Variants in PRELID2 observed in about 807,000 individuals in gnomAD.
The protein encoded by PRELID2 is PRELI domain-containing protein 2.
A neutral mutation model predicts 28.4 loss-of-function variants in PRELID2; 25 were observed. The ratio of observed to expected loss-of-function variants is 0.88; its 90% CI spans 0.64 to 1.23. The LOEUF (loss-of-function observed/expected upper bound fraction) is 1.23. Ranked by LOEUF, PRELID2 falls within the 50% of genes most tolerant of loss-of-function variation. The probability of loss-of-function intolerance (pLI) is 0.00; values close to 1 mark genes in which losing one functional copy is unlikely to be tolerated. For missense variants in PRELID2, 201 were observed against 214.4 expected (o/e 0.94, Z 0.39); for synonymous variants, 76 against 71.6 (o/e 1.06, Z -0.31).
In PRELID2 at chr5:145,550,420, T is replaced by C. The variant is rs1016946395; in HGVS notation, n.71-77105A>G. On this transcript the variant is annotated intron_variant and non_coding_transcript_variant, in intron 1 of 2. Coordinates refer to the PRELID2 transcript ENST00000510259. ...CAAGTTATTTTTAAGCACTTAAAAA[T>C]GTAAGATTAGCCAGGTGTGGTGGCA... Among the ~76,000 whole-genome samples the C allele has an allele frequency of 5.3e-5, 8 of 152,182 alleles. 1 individual carries two copies. The South Asian group carries it at 1.7e-3, about 32-fold the overall frequency.
At chr5:145,392,358 A>T in the PRELID2 span, among the ~76,000 whole-genome samples, 1 of 152,122 alleles carries the variant, frequency 6.6e-6, no homozygotes, top group Non-Finnish European at 1.5e-5. Flanking sequence ...TAAAACCATC[A>T]GCTCTTGGGG....
intron 1 of PRELID2, among the ~76,000 whole-genome samples, chr5:145,477,385 T>C (rs2400194): frequency 0.7 from 106,094 of 152,060 alleles, 37,638 homozygotes; most frequent in Non-Finnish European, 0.72. Context: ...TCCTATCCTA[T>C]GAATAATTTT....
At chr5:145,448,189 T>C in the PRELID2 span, among the ~76,000 whole-genome samples, 1 of 151,766 alleles carries the variant, frequency 6.6e-6, no homozygotes, top group Non-Finnish European at 1.5e-5. Context: ...TGGTATCTCA[T>C]TGTGGTTTTG....
At chr5:145,694,741 C>A (rs1178931125) in intron 1 of PRELID2, among the ~76,000 whole-genome samples, 1 of 150,628 alleles carries the variant, frequency 6.6e-6, no homozygotes, top group Admixed American at 6.6e-5. Flanking sequence ...GAATAGAATG[C>A]ACAAAAATCA....
the PRELID2 span, among the ~76,000 whole-genome samples, chr5:145,380,614 C>G: frequency 2.0e-5 from 3 of 152,218 alleles, no homozygotes; most frequent in African/African-American, 7.2e-5. Context: ...CATATTTTTT[C>G]TTTTTGTTAC....
intron 1 of PRELID2, among the ~76,000 whole-genome samples, chr5:145,731,856 G>A (rs1756357054): frequency 6.6e-6 from 1 of 152,170 alleles, no homozygotes; most frequent in Admixed American, 6.5e-5. Context: ...AGGGAGATAA[G>A]GAGATTAAAG....
the PRELID2 span, among the ~76,000 whole-genome samples, chr5:145,273,798 G>A: frequency 6.6e-6 from 1 of 152,076 alleles, no homozygotes; most frequent in South Asian, 2.1e-4. Flanking sequence ...GGAAATTCAG[G>A]GAAAGCTTCC....
the PRELID2 span, chr5:145,437,236 G>A: frequency 2.0e-5 from 3 of 152,182 alleles, no homozygotes; most frequent in African/African-American, 7.2e-5. Flanking sequence ...TCTCTGGTAA[G>A]TGATGGTTGT....
the PRELID2 span, among the ~76,000 whole-genome samples, chr5:145,367,940 G>A: frequency 6.6e-6 from 1 of 151,630 alleles, no homozygotes; most frequent in South Asian, 2.1e-4. Flanking sequence ...AACTTCTTTG[G>A]GTAAATAATA....
intron 4 of PRELID2, among the ~76,000 whole-genome samples, chr5:145,797,488 G>T (rs1752839825): frequency 6.6e-6 from 1 of 152,122 alleles, no homozygotes; most frequent in African/African-American, 2.4e-5. Context: ...TTTAAGAGGG[G>T]CATGACTCAG....
At chr5:145,709,827 A>G (rs1402666301) in intron 1 of PRELID2, among the ~76,000 whole-genome samples, 3 of 152,084 alleles carry the variant, frequency 2.0e-5, no homozygotes, top group African/African-American at 7.2e-5. Context: ...AGCTGTGGTC[A>G]CTCCCTTAGA....
rs374640557 is a variant in PRELID2 at position 145,730,098 on chromosome 5, T to G, written n.70+34833A>C. 3.5e-4 allele frequency among the ~76,000 whole-genome samples: 54 copies of G among 152,312 alleles called. 1 individual carries two copies. In the South Asian group the frequency reaches 0.011, roughly 30 times the overall value. On this transcript the variant is annotated intron_variant and non_coding_transcript_variant, in intron 1 of 2. Coordinates refer to the PRELID2 transcript ENST00000510259. ...CATTCCAGAGCCACAAGGGGATTTA[T>G]GCCCTGGGTTTAGATTATGGTGCGT... is the stretch of plus-strand genomic sequence containing the variant.
the PRELID2 span, among the ~76,000 whole-genome samples, chr5:145,323,055 C>CTACAG: frequency 6.6e-6 from 1 of 152,014 alleles, no homozygotes; most frequent in Admixed American, 6.6e-5. Flanking sequence ...AAGAAGCACA[C>CTACAG]TACAGGGTCC....
intron 1 of PRELID2, among the ~76,000 whole-genome samples, chr5:145,662,314 T>C (rs1202193008): frequency 1.3e-5 from 2 of 152,146 alleles, no homozygotes; most frequent in Admixed American, 6.5e-5. Flanking sequence ...AGAGAAAAAC[T>C]GTCTCCCAAA....
intron 1 of PRELID2, among the ~76,000 whole-genome samples, chr5:145,493,402 A>G (rs1346501964): frequency 6.6e-6 from 1 of 152,150 alleles, no homozygotes; most frequent in Admixed American, 6.5e-5. Flanking sequence ...CAGACCACCA[A>G]CTAAACGTGA....
At chr5:145,658,806 A>G (rs1342316662) in intron 1 of PRELID2, among the ~76,000 whole-genome samples, 1 of 152,212 alleles carries the variant, frequency 6.6e-6, no homozygotes, top group African/African-American at 2.4e-5. Context: ...TCACAATGCA[A>G]ACTAACACAA....
chr5:145,649,865 T>C (rs1190984348), intron 1 of PRELID2, among the ~76,000 whole-genome samples: 1 of 152,242 alleles, frequency 6.6e-6, no homozygotes, highest in East Asian at 1.9e-4. Flanking sequence ...TGGTTTTCAC[T>C]GTCTGTTTTT....
intron 5 of PRELID2, among the ~76,000 whole-genome samples, chr5:145,793,898 G>A (rs192308658): frequency 2.6e-5 from 4 of 152,048 alleles, no homozygotes; most frequent in African/African-American, 4.8e-5. Flanking sequence ...GTATATATCC[G>A]CCCCACAACC....
At chr5:145,772,559 G>C (rs1169917097) in intron 5 of PRELID2, among the ~76,000 whole-genome samples, 1 of 152,226 alleles carries the variant, frequency 6.6e-6, no homozygotes, top group African/African-American at 2.4e-5. Context: ...CACTTGGCAA[G>C]AGGGTATGTA....
Sources: allele counts gnomAD v4.1 joint callset (sites outside exome capture counted in the v4.1 genomes callset), GRCh38; gene constraint gnomAD v4.1.1; transcripts MANE v1.5; gene names NCBI Gene and HGNC (gene_info 2026-07-23, HGNC 2026-07-21).